Variants in NBPF9 observed in about 807,000 individuals in gnomAD.
The protein encoded by NBPF9 is NBPF member 9, also known as NBPF family member NBPF9.
A neutral mutation model predicts 97.8 loss-of-function variants in NBPF9; 91 were observed. The observed-to-expected ratio is 0.93, with a 90% CI of 0.79 to 1.11. The LOEUF (loss-of-function observed/expected upper bound fraction) is 1.11, where lower values mean the gene tolerates loss of function less well. Ranked by LOEUF, NBPF9 falls within the 50% of genes least tolerant of loss-of-function variation. NBPF9 has a pLI of 0.00. For synonymous variants in NBPF9, 334 were observed against 359.5 expected (o/e 0.93, Z 0.80); for missense variants, 992 against 939.5 (o/e 1.06, Z -0.73).
intron 25 of NBPF9, 185 bp from the exon 26 acceptor site, chr1:149,059,282 A>G: frequency 2.1e-6 from 1 of 480,446 alleles, no homozygotes; most frequent in Admixed American, 3.2e-5. Flanking sequence ...AATGAAAGAG[A>G]AAGACAGGGA....
chr1:149,087,806 T>C (rs1214053987), intron 5 of NBPF9, among the ~76,000 whole-genome samples: 2 of 150,196 alleles, frequency 1.3e-5, no homozygotes, highest in African/African-American at 4.9e-5. Context: ...GTACTGGCCT[T>C]ACATAAATTT....
At chr1:149,063,485 A>T (rs1445466098) in intron 20 of NBPF9, 148 bp downstream of exon 20, 3 of 624,832 alleles carry the variant, frequency 4.8e-6, no homozygotes, top group Non-Finnish European at 8.4e-6. Context: ...TCCAAGTGGA[A>T]CTAGAGTTTC....
intron 5 of NBPF9, among the ~76,000 whole-genome samples, chr1:149,082,889 C>T (rs1275706875): frequency 6.7e-6 from 1 of 148,474 alleles, no homozygotes; most frequent in African/African-American, 2.5e-5. Context: ...ACGCTATTCT[C>T]CTGCCTCAGA....
chr1:149,075,466 C>T (rs1352360202), intron 12 of NBPF9, among the ~76,000 whole-genome samples, 189 bp downstream of exon 12: 3 of 152,068 alleles, frequency 2.0e-5, no homozygotes, highest in Non-Finnish European at 4.4e-5. Flanking sequence ...TGATTGCAAA[C>T]ATGGAAAGTT....
intron 5 of NBPF9, among the ~76,000 whole-genome samples, chr1:149,084,424 T>C (rs2080817289): frequency 6.9e-6 from 1 of 145,824 alleles, no homozygotes; most frequent in Non-Finnish European, 1.5e-5. Context: ...CATGTGTATA[T>C]ATATTATATA....
At chr1:149,061,821 A>G in intron 22 of NBPF9, 3 of 327,034 alleles carry the variant, frequency 9.2e-6, no homozygotes, top group East Asian at 5.9e-5. Context: ...ACTTCTGTGA[A>G]TTTTTTACAT....
At chr1:149,064,958 G>A (rs190009188) in intron 18 of NBPF9, 7,967 of 531,828 alleles carry the variant, frequency 0.015, 466 homozygotes, top group African/African-American at 0.14. Context: ...TGGCTTTTGT[G>A]GGTGAAAAGT....
downstream of NBPF9, among the ~76,000 whole-genome samples, chr1:149,052,532 G>T (rs587694372): frequency 3.3e-5 from 5 of 152,022 alleles, no homozygotes; most frequent in South Asian, 1.0e-3. Context: ...AATCCATCAA[G>T]GGCCAGGAGA....
At chr1:149,084,302 T>G (rs1320891673) in intron 5 of NBPF9, among the ~76,000 whole-genome samples, 1 of 147,550 alleles carries the variant, frequency 6.8e-6, no homozygotes, top group Admixed American at 6.8e-5. Flanking sequence ...TATACATGTA[T>G]ACACGTATAT....
chr1:149,062,326 G>C (rs2078669281), intron 21 of NBPF9, 61 bp from the exon 22 acceptor site: 1 of 617,718 alleles, frequency 1.6e-6, no homozygotes, highest in African/African-American at 2.0e-5. Context: ...CACAGCCCCA[G>C]CTAGATTTCA....
chr1:149,075,573 T>C (rs3961871), intron 12 of NBPF9, 82 bp downstream of exon 12: 2 of 1,398,256 alleles, frequency 1.4e-6, no homozygotes, highest in Non-Finnish European at 2.0e-6. Flanking sequence ...ACATTATTTT[T>C]GATGGAGAGA....
chr1:149,059,276 A>G lies in NBPF9; in HGVS notation c.2586-179T>C. 8.4e-6 allele frequency: 4 copies of G among 477,352 alleles called. 2 individuals carry two copies. Among genetic ancestry groups the G allele is most frequent in the Non-Finnish European group, 1.6e-5 (4 of 257,842 alleles). 29.6% of individuals were successfully genotyped at this position (477,352 alleles called of 1,614,324 possible). ...GACCAGGGCCAGGTAGAAAAGAATG[A>G]AAGAGAAAGACAGGGAGAGACAGAG... On this transcript the variant is annotated intron_variant, in intron 25 of 29. Transcript: ENST00000584027.
chr1:149,078,847 C>T (rs1373305573), intron 9 of NBPF9, among the ~76,000 whole-genome samples, 160 bp downstream of exon 9: 1 of 151,002 alleles, frequency 6.6e-6, no homozygotes, highest in Non-Finnish European at 1.5e-5. Flanking sequence ...CCATGGGTTT[C>T]CCATCTCTGT....
chr1:149,088,510 T>C (rs1272332193), intron 5 of NBPF9, among the ~76,000 whole-genome samples: 45 of 152,308 alleles, frequency 3.0e-4, no homozygotes, highest in African/African-American at 1.0e-3. Flanking sequence ...CTTATGCCAT[T>C]TAATATAATG....
intron 10 of NBPF9, among the ~76,000 whole-genome samples, chr1:149,077,634 G>T (rs1176844014): frequency 6.6e-5 from 10 of 152,190 alleles, no homozygotes; most frequent in Admixed American, 2.6e-4. Flanking sequence ...CTGGTGTTCA[G>T]TGCACTGGAC....
intron 16 of NBPF9, among the ~76,000 whole-genome samples, chr1:149,070,616 C>G (rs1232644369): frequency 1.3e-5 from 2 of 151,076 alleles, no homozygotes; most frequent in Non-Finnish European, 2.9e-5. Context: ...GGACATTGTT[C>G]AGGGACAGAT....
At chr1:149,074,171 C>T (rs1553653710) in intron 12 of NBPF9, among the ~76,000 whole-genome samples, 1 of 151,418 alleles carries the variant, frequency 6.6e-6, no homozygotes, top group African/African-American at 2.4e-5. Flanking sequence ...GAATGCGGGG[C>T]CACTTTCCCA....
chr1:149,072,669 C>G, intron 14 of NBPF9, 49 bp downstream of exon 14: 1 of 1,589,988 alleles, frequency 6.3e-7, no homozygotes, highest in Non-Finnish European at 8.6e-7. Flanking sequence ...GGTCTGGAGC[C>G]TCTCATAAGC....
intron 13 of NBPF9, among the ~76,000 whole-genome samples, chr1:149,073,205 C>G (rs1298288463): frequency 6.7e-5 from 10 of 148,326 alleles, no homozygotes; most frequent in Admixed American, 1.4e-4. Context: ...AATTCCATTT[C>G]AAAAAGACAT....
Sources: gnomAD v4.1 joint callset for allele counts (sites outside exome capture counted in the v4.1 genomes callset) on GRCh38, gnomAD v4.1.1 for gene constraint, MANE v1.5 for transcripts, NCBI Gene and HGNC (gene_info 2026-07-23, HGNC 2026-07-21) for gene names.